The following RFX4 variants were observed in gnomAD, a reference collection of about 807,000 sequenced individuals.
The protein encoded by RFX4 is transcription factor RFX4.
RFX4 carries 10 observed loss-of-function variants against 95.0 expected under a neutral mutation model. The ratio of observed to expected loss-of-function variants is 0.11; its 90% CI spans 0.06 to 0.18. The LOEUF (loss-of-function observed/expected upper bound fraction) is 0.18. Ranked by LOEUF, RFX4 falls within the 10% of genes least tolerant of loss-of-function variation. RFX4 has a pLI of 1.00. For synonymous variants in RFX4, 321 were observed against 340.7 expected (o/e 0.94, Z 0.64); for missense variants, 640 against 922.0 (o/e 0.69, Z 3.96).
intron 2 of RFX4, among the ~76,000 whole-genome samples, chr12:106,627,866 G>T (rs1431762649): frequency 3.9e-5 from 6 of 152,172 alleles, no homozygotes; most frequent in Admixed American, 3.9e-4. Flanking sequence ...TGAGATGTAG[G>T]CCAAATGCCC....
In RFX4 at chr12:106,583,033, C is replaced by G. The variant is rs1487716782; in HGVS notation, c.-288C>G. The G allele has an allele frequency of 2.6e-6, 1 of 380,158 alleles. No individual in the cohort carries two copies. The highest frequency in any genetic ancestry group is 4.7e-6 in the Non-Finnish European group (1 of 214,580). 23.5% of individuals were successfully genotyped at this position (380,158 alleles called of 1,614,324 possible). On this transcript the variant is annotated 5_prime_UTR_variant, in exon 1 of 18. Transcript: ENST00000392842. ...ACATTTTGACGGGTTTGGCTTTGCC[C>G]GGCTGGATTACTGAGTGTCCCCTTG... is the stretch of plus-strand genomic sequence containing the variant.
chr12:106,741,074 G>T (rs1174759301), intron 15 of RFX4, among the ~76,000 whole-genome samples: 1 of 152,176 alleles, frequency 6.6e-6, no homozygotes, highest in East Asian at 1.9e-4. Flanking sequence ...TGATTCATTT[G>T]CTGCCCCGGT....
intron 1 of RFX4, 52 bp from the exon 2 acceptor site, chr12:106,608,745 A>G: frequency 6.6e-7 from 1 of 1,511,156 alleles, no homozygotes; most frequent in Non-Finnish European, 8.9e-7. Context: ...CAATTCTGTG[A>G]TTTTCTTTTT....
chr12:106,686,669 G>A (rs2041658308), intron 5 of RFX4, among the ~76,000 whole-genome samples: 1 of 152,076 alleles, frequency 6.6e-6, no homozygotes, highest in Admixed American at 6.6e-5. Flanking sequence ...ATTTTTACCT[G>A]CCTGATTGAT....
At chr12:106,654,480 A>G in intron 4 of RFX4, 129 bp downstream of exon 4, 1 of 1,039,848 alleles carries the variant, frequency 9.6e-7, no homozygotes, top group South Asian at 2.0e-5. Context: ...TACTTTGACA[A>G]CTTCAACTTC....
chr12:106,749,561 ACT>A (rs1394921848), intron 16 of RFX4, among the ~76,000 whole-genome samples: 2 of 152,026 alleles, frequency 1.3e-5, no homozygotes, highest in South Asian at 2.1e-4. Context: ...GACTCTGAAA[ACT>A]CTGTTTCAGA....
intron 5 of RFX4, among the ~76,000 whole-genome samples, chr12:106,686,616 A>C (rs960480611): frequency 6.6e-6 from 1 of 152,108 alleles, no homozygotes; most frequent in Non-Finnish European, 1.5e-5. Context: ...TCTGCTTTGC[A>C]AAGTATTTGA....
At chr12:106,706,399 C>CT (rs2042086758) in intron 8 of RFX4, among the ~76,000 whole-genome samples, 1 of 152,140 alleles carries the variant, frequency 6.6e-6, no homozygotes, top group Non-Finnish European at 1.5e-5. Context: ...GCAGGATGGA[C>CT]TCAGGAAGCT....
chr12:106,615,883 T>G (rs1294942481), intron 2 of RFX4, among the ~76,000 whole-genome samples: 1 of 152,376 alleles, frequency 6.6e-6, no homozygotes, highest in Non-Finnish European at 1.5e-5. Flanking sequence ...GAACATTCTA[T>G]GAACATCATC....
chr12:106,715,715 T>G (rs1297496036), intron 11 of RFX4, 171 bp downstream of exon 11: 1 of 732,400 alleles, frequency 1.4e-6, no homozygotes, highest in Admixed American at 2.9e-5. Context: ...AAGGGCTGAT[T>G]GACTTGAGAG....
chr12:106,719,989 G>A lies in RFX4; in HGVS notation c.1168G>A (p.Glu390Lys). 6.2e-7 allele frequency: 1 copy of A among 1,614,186 alleles called. No individual in the cohort carries two copies. Among genetic ancestry groups the A allele is most frequent in the Non-Finnish European group, 8.5e-7 (1 of 1,180,020 alleles). Reference protein sequence around the residue: ...LYQEFDHLLEEQSPIESYIEW... With the variant: ...LYQEFDHLLEKQSPIESYIEW... ...TCAGGAGTTTGACCATCTCTTGGAGGAGCAGTCTCCCATCGAGTCCTACAT... is the reference window on the plus strand; with the variant it reads ...TCAGGAGTTTGACCATCTCTTGGAGAAGCAGTCTCCCATCGAGTCCTACAT... Residue 390 changes from glutamate (E) to lysine (K), a missense_variant, in exon 12 of 18, where the codon GAG (glutamate) becomes AAG (lysine). Physicochemically the swap from Glu to Lys is moderately conservative, Grantham distance 56 (BLOSUM62 1). This residue lies in a region of RFX4 where 72 missense variants were observed against 80.5 expected (regional missense o/e 0.89). Coordinates refer to ENST00000392842, the MANE Select transcript of RFX4 (RefSeq NM_213594.3).
In RFX4 at chr12:106,706,942, T is replaced by C. The variant is rs558634115; in HGVS notation, c.834-2388T>C. ...GAGGATTTAAATGTTGCATGCATAT[T>C]GTGTGCGTGTGTGTATACATGTACA... On this transcript the variant is annotated intron_variant, in intron 8 of 17. Coordinates refer to ENST00000392842, the MANE Select transcript of RFX4 (RefSeq NM_213594.3). 5.3e-5 allele frequency among the ~76,000 whole-genome samples: 8 copies of C among 152,348 alleles called. No individual in the cohort carries two copies. In the East Asian group the frequency reaches 1.5e-3, roughly 29 times the overall value.
intron 2 of RFX4, among the ~76,000 whole-genome samples, chr12:106,613,049 T>G (rs762793779): frequency 2.0e-4 from 30 of 151,914 alleles, no homozygotes; most frequent in Non-Finnish European, 3.1e-4. Flanking sequence ...TTAGCTGTTG[T>G]TTTTTTATAT....
In RFX4 at chr12:106,596,129, G is replaced by A. The variant is rs142474305; in HGVS notation, c.44-12668G>A. On this transcript the variant is annotated intron_variant, in intron 1 of 17. Coordinates refer to ENST00000392842, the MANE Select transcript of RFX4 (RefSeq NM_213594.3). ...AGGATGATATGGTTTGGCTCTGTGT[G>A]CCCACCCAAATCTCATCTTGTAGCT... Among the ~76,000 whole-genome samples the A allele has an allele frequency of 6.5e-3, 991 of 152,232 alleles. 13 individuals are homozygous for A. The highest frequency in any genetic ancestry group is 0.023 in the African/African-American group (959 of 41,518).
chr12:106,595,190 C>A (rs966265294), intron 1 of RFX4, among the ~76,000 whole-genome samples: 3 of 152,298 alleles, frequency 2.0e-5, no homozygotes, highest in Middle Eastern at 3.4e-3. Flanking sequence ...GCCTAGTTAA[C>A]AATATGTCCA....
At chr12:106,669,839 GGTGTGTGTGTGTGT>G (rs60975691) in intron 4 of RFX4, among the ~76,000 whole-genome samples, 4 of 143,256 alleles carry the variant, frequency 2.8e-5, no homozygotes, top group South Asian at 2.4e-4. Context: ...TTTTTCTAGG[GGTGTGTGTGTGTGT>G]GTGTGTGTGT....
intron 4 of RFX4, among the ~76,000 whole-genome samples, 192 bp downstream of exon 4, chr12:106,654,543 A>C (rs1483180523): frequency 5.3e-5 from 8 of 152,352 alleles, no homozygotes; most frequent in South Asian, 2.1e-4. Context: ...ATTGTAAAGT[A>C]AGAAATTCAA....
chr12:106,721,069 A>G (rs2042387617), intron 13 of RFX4, among the ~76,000 whole-genome samples, 193 bp downstream of exon 13: 2 of 152,196 alleles, frequency 1.3e-5, no homozygotes, highest in African/African-American at 4.8e-5. Context: ...TGGAGTATCA[A>G]TCTGAAAATG....
intron 1 of RFX4, among the ~76,000 whole-genome samples, chr12:106,594,978 C>T (rs2039598031): frequency 6.6e-6 from 1 of 151,994 alleles, no homozygotes; most frequent in Middle Eastern, 3.2e-3. Context: ...AGCAGGCTAA[C>T]TTAATGAGTT....
Sources: allele counts gnomAD v4.1 joint callset (sites outside exome capture counted in the v4.1 genomes callset), GRCh38; gene constraint gnomAD v4.1.1; regional missense constraint gnomAD v4.1.1; transcripts MANE v1.5; gene names NCBI Gene and HGNC (gene_info 2026-07-23, HGNC 2026-07-21).